Variants in GPR132 observed in about 807,000 individuals in gnomAD.
The protein encoded by GPR132 is probable G protein-coupled receptor 132.
GPR132 carries 4 observed loss-of-function variants against 1.9 expected under a neutral mutation model. The ratio of observed to expected loss-of-function variants is 2.13; its 90% CI spans 1.05 to 4.87. The LOEUF (loss-of-function observed/expected upper bound fraction) is 4.87, where lower values mean the gene tolerates loss of function less well. GPR132 is among the 30% of genes most tolerant of loss of function. The probability of loss-of-function intolerance (pLI) is 0.01; values close to 1 mark genes in which losing one functional copy is unlikely to be tolerated. For missense variants in GPR132, 404 were observed against 512.5 expected (o/e 0.79, Z 2.04); for synonymous variants, 233 against 234.2 (o/e 0.99, Z 0.05).
In GPR132 at chr14:105,051,295, C is replaced by T. The variant is rs545237537; in HGVS notation, c.842G>A (p.Gly281Asp). 2.5e-6 allele frequency: 4 copies of T among 1,613,978 alleles called. No individual in the cohort carries two copies. Among genetic ancestry groups the T allele is most frequent in the Non-Finnish European group, 3.4e-6 (4 of 1,179,844 alleles). Residue 281 changes from glycine (G) to aspartate (D), a missense_variant, in exon 4 of 4, where the codon GGC (glycine) becomes GAC (aspartate). By Grantham distance (94) the Gly-to-Asp change is moderately conservative. Transcript: ENST00000329797. This position sits in a 1 kb window ranked among gnomAD's most constrained non-coding sequence, Gnocchi z 8.0. The stretch of plus-strand genomic sequence containing the variant: ...GGCTGTGTACAGCCTTTCCTCCAAG[C>T]CGCACATGGCGTTCCTGTCTCCTCT... ...YYRGDRNAMC[G>D]LEERLYTASV...
intron 1 of GPR132, among the ~76,000 whole-genome samples, chr14:105,063,629 G>A (rs144453696): frequency 0.018 from 2,681 of 151,984 alleles, 81 homozygotes; most frequent in African/African-American, 0.062. Context: ...CGCCCGCCTC[G>A]GCCTCCTAAA....
At chr14:105,052,195 A>G (rs1886668773) in intron 3 of GPR132, 93 bp from the exon 4 acceptor site, 3 of 1,035,134 alleles carry the variant, frequency 2.9e-6, no homozygotes, top group African/African-American at 3.2e-5. Flanking sequence ...GCTTTGTGGT[A>G]GCTCAGACTA....
chr14:105,054,427 CTTTTTTTTT>C (rs59700022), intron 3 of GPR132: 1 of 862,666 alleles, frequency 1.2e-6, no homozygotes, highest in African/African-American at 2.0e-5. Context: ...CTTTTTTTTT[CTTTTTTTTT>C]TTTTTGAGAC....
In GPR132 at chr14:105,057,263, CTG is replaced by C. The variant is rs1886819099; in HGVS notation, c.-845_-844del. The C allele has an allele frequency of 2.2e-6, 2 of 889,764 alleles. No individual in the cohort carries two copies. Among genetic ancestry groups the C allele is most frequent in the East Asian group, 5.3e-5 (2 of 37,876 alleles). 55.1% of individuals were successfully genotyped at this position (889,764 alleles called of 1,614,324 possible). On this transcript the variant is annotated 5_prime_UTR_variant, in exon 2 of 4. Coordinates refer to ENST00000329797, the MANE Select transcript of GPR132 (RefSeq NM_013345.4). ...TGTCGGTCCTATCAAGACGTTCACT[CTG>C]AGAGTTTAAAATGACCTGGAAAAAG...
chr14:105,051,339 G>T lies in GPR132; in HGVS notation c.798C>A (p.Ala266=). The part of the protein sequence containing the change: ...APYHLVLLVK[A]AAFSYYRGDR... ...CTCCTCTGTAGTAGGAAAAGGCAGC[G>T]GCTTTGACGAGGAGAACCAGGTGGT... The change falls in exon 4 of 4, where the codon GCC becomes GCA. Residue 266 remains alanine (A), a synonymous_variant. Coordinates refer to ENST00000329797, the MANE Select transcript of GPR132 (RefSeq NM_013345.4). This position sits in a 1 kb window ranked among gnomAD's most constrained non-coding sequence, Gnocchi z 8.0. 6.2e-7 allele frequency: 1 copy of T among 1,613,962 alleles called. No homozygotes were observed. The highest frequency in any genetic ancestry group is 8.5e-7 in the Non-Finnish European group (1 of 1,179,826).
At chr14:105,054,105 C>T in intron 3 of GPR132, 1 of 1,288,118 alleles carries the variant, frequency 7.8e-7, no homozygotes, top group Non-Finnish European at 1.0e-6. Context: ...TCTGTGGTTA[C>T]AGATCATGGA....
chr14:105,065,373 A>T lies in GPR132; in HGVS notation c.-861+6T>A, dbSNP rs909308385. ...ACTCCCCAGCACGCAGAGCCCAGCG[A>T]CTTACCCAGGGCCCCGCCTGCGTGG... On this transcript the variant is annotated splice_donor_region_variant and intron_variant, in intron 1 of 3. Transcript: ENST00000329797. 1 of 152,142 alleles carries T rather than the reference A, an allele frequency of 6.6e-6. No individual in the cohort carries two copies. The highest frequency in any genetic ancestry group is 6.5e-5 in the Admixed American group (1 of 15,276). The allele number at this position is 152,142 out of a possible 1,614,324, so 9.4% of individuals were successfully genotyped here.
At position 105,059,689 on chromosome 14, in the gene GPR132, C is replaced by T. The variant is rs2140934630; in HGVS notation, c.-860-2409G>A. Among the ~76,000 whole-genome samples the T allele has an allele frequency of 6.6e-6, 1 of 152,192 alleles. No homozygotes were observed. The highest frequency in any genetic ancestry group is 2.4e-5 in the African/African-American group (1 of 41,538). On this transcript the variant is annotated intron_variant, in intron 1 of 3. Coordinates refer to ENST00000329797, the MANE Select transcript of GPR132 (RefSeq NM_013345.4). The surrounding 1 kb of genome is among the most constrained non-coding windows in gnomAD (Gnocchi z 4.2). Reference sequence around the variant, plus strand: ...TATATTGATTGATGTCTCTTGTCTCCCTAAAATGCATGAAACCAGGCTGCG... The same window carrying T: ...TATATTGATTGATGTCTCTTGTCTCTCTAAAATGCATGAAACCAGGCTGCG...
chr14:105,055,290 G>A lies in GPR132; in HGVS notation c.34+97C>T, dbSNP rs759146519. ...TGCAGTGAGCCGAGATTGTGCCACT[G>A]CACTCCAGCCTGGGCGATAGAGTGA... On this transcript the variant is annotated intron_variant, in intron 3 of 3. Transcript: ENST00000329797. This position sits in a 1 kb window ranked among gnomAD's most constrained non-coding sequence, Gnocchi z 4.7. 2.6e-6 allele frequency: 2 copies of A among 770,052 alleles called. No homozygotes were observed. Among genetic ancestry groups the A allele is most frequent in the Non-Finnish European group, 4.9e-6 (2 of 409,776 alleles). The allele number at this position is 770,052 out of a possible 1,614,324, so 47.7% of individuals were successfully genotyped here.
rs199928228 is a variant in GPR132, at chr14:105,051,134, C to T, written c.1003G>A (p.Val335Ile). ...TCCCTGCTGTGGGTGAGCCTGGTGACGTCTGTCTTCATGGACCACTCTTTC... is the reference window on the plus strand; with the variant it reads ...TCCCTGCTGTGGGTGAGCCTGGTGATGTCTGTCTTCATGGACCACTCTTTC... The part of the protein sequence containing the change: ...GWKEWSMKTD[V>I]TRLTHSRDTE... The change falls in exon 4 of 4, where the codon GTC becomes ATC. Residue 335 changes from valine to isoleucine, a missense_variant. Val to Ile is a conservative substitution (Grantham distance 29, BLOSUM62 3). Transcript: ENST00000329797. This position sits in a 1 kb window ranked among gnomAD's most constrained non-coding sequence, Gnocchi z 8.0. The T allele has an allele frequency of 4.0e-5, 64 of 1,614,112 alleles. 1 individual carries two copies. In the Admixed American group the frequency reaches 7.2e-4, roughly 18 times the overall value.
At position 105,050,905 on chromosome 14, in the gene GPR132, G is replaced by T; in HGVS notation, c.*89C>A. 1 of 1,211,116 alleles carries T rather than the reference G, an allele frequency of 8.3e-7. No individual in the cohort carries two copies. The highest frequency in any genetic ancestry group is 1.2e-6 in the Non-Finnish European group (1 of 846,500). The allele number at this position is 1,211,116 out of a possible 1,614,324, so 75.0% of individuals were successfully genotyped here. Reference sequence around the variant, plus strand: ...GTAGTTTGTCTTCCAGAGGGGACATGGGCACTGTGGCTGGTGGGCTCAGTG... The same window carrying T: ...GTAGTTTGTCTTCCAGAGGGGACATTGGCACTGTGGCTGGTGGGCTCAGTG... On this transcript the variant is annotated 3_prime_UTR_variant, in exon 4 of 4. Coordinates refer to ENST00000329797, the MANE Select transcript of GPR132 (RefSeq NM_013345.4). This position sits in a 1 kb window ranked among gnomAD's most constrained non-coding sequence, Gnocchi z 4.0.
intron 3 of GPR132, chr14:105,054,136 G>A: frequency 1.6e-6 from 2 of 1,287,316 alleles, no homozygotes; most frequent in Non-Finnish European, 2.0e-6. Context: ...CAGGTCAGCA[G>A]GAAGCCGCAG....
At chr14:105,054,559 T>C in intron 3 of GPR132, 1 of 254,342 alleles carries the variant, frequency 3.9e-6, no homozygotes, top group Non-Finnish European at 6.2e-6. Flanking sequence ...GCCTCCCGAG[T>C]AGCTGGGACT....
Position 105,051,083 on chromosome 14 carries a change from C to T in GPR132, c.1054G>A (p.Ala352Thr), listed in dbSNP as rs116378171. ...RDTEELQSPV[A>T]LADHYTFSRP... ...GAGAAGGTGTAGTGGTCTGCAAGGG[C>T]CACGGGCGACTGCAGCTCCTCGGTG... is the stretch of plus-strand genomic sequence containing the variant. The change falls in exon 4 of 4, where the codon GCC (alanine) becomes ACC (threonine). Residue 352 changes from alanine (A) to threonine (T), a missense_variant. Transcript: ENST00000329797. The surrounding 1 kb of genome is among the most constrained non-coding windows in gnomAD (Gnocchi z 8.0). The T allele has an allele frequency of 6.2e-7, 1 of 1,614,160 alleles. No homozygotes were observed. Among genetic ancestry groups the T allele is most frequent in the Middle Eastern group, 1.6e-4 (1 of 6,062 alleles).
At position 105,051,149 on chromosome 14, in the gene GPR132, A is replaced by G; in HGVS notation, c.988T>C (p.Ser330Pro). The G allele has an allele frequency of 6.2e-7, 1 of 1,613,890 alleles. No individual in the cohort carries two copies. The highest frequency in any genetic ancestry group is 8.5e-7 in the Non-Finnish European group (1 of 1,179,952). The change falls in exon 4 of 4, where the codon TCC becomes CCC. Residue 330 changes from serine (S) to proline (P), a missense_variant. Transcript: ENST00000329797. The surrounding 1 kb of genome is among the most constrained non-coding windows in gnomAD (Gnocchi z 8.0). Reference sequence around the variant, plus strand: ...AGCCTGGTGACGTCTGTCTTCATGGACCACTCTTTCCACCCCTTATGGATT... The same window carrying G: ...AGCCTGGTGACGTCTGTCTTCATGGGCCACTCTTTCCACCCCTTATGGATT... ...SRIHKGWKEWSMKTDVTRLTH... is the reference protein window; with the variant it reads ...SRIHKGWKEWPMKTDVTRLTH...
intron 1 of GPR132, 126 bp from the exon 2 acceptor site, chr14:105,057,406 T>C (rs1886824762): frequency 3.8e-6 from 2 of 519,730 alleles, no homozygotes; most frequent in Admixed American, 7.3e-5. Flanking sequence ...AGGTGTTTTT[T>C]AAATGTTGAG....
chr14:105,051,493 A>C lies in GPR132; in HGVS notation c.644T>G (p.Ile215Ser), dbSNP rs1886639208. The C allele has an allele frequency of 1.2e-6, 2 of 1,613,842 alleles. No individual in the cohort carries two copies. Among genetic ancestry groups the C allele is most frequent in the Non-Finnish European group, 1.7e-6 (2 of 1,180,024 alleles). ...TVGFAIPLSI[I>S]AFTNHRIFRS... ...GAAAATCCGGTGGTTGGTGAAGGCGATGATGGAGAGAGGGATGGCAAAGCC... is the reference window on the plus strand; with the variant it reads ...GAAAATCCGGTGGTTGGTGAAGGCGCTGATGGAGAGAGGGATGGCAAAGCC... The change falls in exon 4 of 4, where the codon ATC becomes AGC. Residue 215 changes from isoleucine (I) to serine (S), a missense_variant. Coordinates refer to ENST00000329797, the MANE Select transcript of GPR132 (RefSeq NM_013345.4). This position sits in a 1 kb window ranked among gnomAD's most constrained non-coding sequence, Gnocchi z 8.0.
rs2140924958 is a variant in GPR132 at position 105,050,129 on chromosome 14, ACT to A, written c.*863_*864del. ...GGCCTTTGCGGCAGACCCAGATCTG[ACT>A]CAGCCCCGAGGGTGCAGGGAGCTGG... On this transcript the variant is annotated 3_prime_UTR_variant, in exon 4 of 4. Coordinates refer to ENST00000329797, the MANE Select transcript of GPR132 (RefSeq NM_013345.4). The surrounding 1 kb of genome is among the most constrained non-coding windows in gnomAD (Gnocchi z 4.0). 1 of 152,274 alleles carries A rather than the reference ACT, an allele frequency of 6.6e-6. No homozygotes were observed. Among genetic ancestry groups the A allele is most frequent in the Non-Finnish European group, 1.5e-5 (1 of 68,046 alleles). 9.4% of individuals were successfully genotyped at this position (152,274 alleles called of 1,614,324 possible).
chr14:105,060,433 G>A lies in GPR132; in HGVS notation c.-860-3153C>T, dbSNP rs148494302. Among the ~76,000 whole-genome samples, 15 of 152,256 alleles carry A rather than the reference G, an allele frequency of 9.9e-5. No individual in the cohort carries two copies. Among genetic ancestry groups the A allele is most frequent in the Non-Finnish European group, 1.3e-4 (9 of 68,004 alleles). On this transcript the variant is annotated intron_variant, in intron 1 of 3. Transcript: ENST00000329797. The surrounding 1 kb of genome is among the most constrained non-coding windows in gnomAD (Gnocchi z 6.3). ...TGAGCCCCGGGGGTGTGGGGGGCCC[G>A]ACCAGCCTCACACTGGGCCTGGCTT...
Sources: gnomAD v4.1 joint callset for allele counts (sites outside exome capture counted in the v4.1 genomes callset) on GRCh38, gnomAD v4.1.1 for gene constraint, Gnocchi (gnomAD v3.1) non-coding constraint, MANE v1.5 for transcripts, NCBI Gene and HGNC (gene_info 2026-07-23, HGNC 2026-07-21) for gene names.